Variants in ZNF251 observed in about 807,000 individuals in gnomAD.
The protein encoded by ZNF251 is zinc finger protein 251.
ZNF251 carries 14 observed loss-of-function variants against 13.5 expected under a neutral mutation model. That is an observed-to-expected ratio of 1.04 (90% confidence interval 0.69 to 1.63). The LOEUF (loss-of-function observed/expected upper bound fraction) is 1.63, where lower values mean the gene tolerates loss of function less well. Ranked by LOEUF, ZNF251 falls within the 40% of genes most tolerant of loss-of-function variation. ZNF251 has a pLI of 0.00. For missense variants in ZNF251, 764 were observed against 834.9 expected, an observed-to-expected ratio of 0.92 and a Z score of 1.05; for synonymous variants, 287 against 295.2, an observed-to-expected ratio of 0.97 and a Z score of 0.28.
chr8:144,722,825 G>A lies in ZNF251; in HGVS notation c.835C>T (p.His279Tyr), dbSNP rs1823410781. Residue 279 changes from histidine to tyrosine, a missense_variant, in exon 5 of 5, where the codon CAC (histidine) becomes TAC (tyrosine). Physicochemically the swap from His to Tyr is moderately conservative, Grantham distance 83. Transcript: ENST00000292562. This position sits in a 1 kb window ranked among gnomAD's most constrained non-coding sequence, Gnocchi z 4.8. Reference sequence around the variant, plus strand: ...TGAATTCTCCGATGAAGACGGAGGTGAGAATTGAGTCCAAAAGTTTTCCCA... The same window carrying A: ...TGAATTCTCCGATGAAGACGGAGGTAAGAATTGAGTCCAAAAGTTTTCCCA... ...ECGKTFGLNS[H>Y]LRLHRRIHTG... 6.2e-7 allele frequency: 1 copy of A among 1,614,038 alleles called. No homozygotes were observed. The highest frequency in any genetic ancestry group is 2.2e-5 in the East Asian group (1 of 44,890).
At position 144,748,353 on chromosome 8, in the gene ZNF251, T is replaced by C. The variant is rs190906323; in HGVS notation, c.277+5330A>G. On this transcript the variant is annotated intron_variant, in intron 4 of 4. Coordinates refer to ENST00000292562, the MANE Select transcript of ZNF251 (RefSeq NM_138367.2). ...CCTCCCAGTGCTGGGATTACAGGTG[T>C]TAGCCACTGTGCCTGGCCAACCTCA... Among the ~76,000 whole-genome samples, 450 of 152,186 alleles carry C rather than the reference T, an allele frequency of 3.0e-3. 3 individuals are homozygous for C. Among genetic ancestry groups the C allele is most frequent in the African/African-American group, 0.01 (417 of 41,504 alleles).
rs1227824696 is a variant in ZNF251 at position 144,720,981 on chromosome 8, C to A, written c.*663G>T. ...AACCTGCCTTTAAAAAATTTTTTAT[C>A]AGTAATTACAATTTTCAAAAGTGGA... is the stretch of plus-strand genomic sequence containing the variant. On this transcript the variant is annotated 3_prime_UTR_variant, in exon 5 of 5. Transcript: ENST00000292562. 1 of 152,266 alleles carries A rather than the reference C, an allele frequency of 6.6e-6. No individual in the cohort carries two copies. The highest frequency in any genetic ancestry group is 2.4e-5 in the African/African-American group (1 of 41,440). 9.4% of individuals were successfully genotyped at this position (152,266 alleles called of 1,614,324 possible).
chr8:144,721,492 C>G lies in ZNF251; in HGVS notation c.*152G>C, dbSNP rs1823371059. 6 of 787,646 alleles carry G rather than the reference C, an allele frequency of 7.6e-6. No homozygotes were observed. The South Asian group carries it at 1.9e-4, about 25-fold the overall frequency. The allele number at this position is 787,646 out of a possible 1,614,324, so 48.8% of individuals were successfully genotyped here. On this transcript the variant is annotated 3_prime_UTR_variant, in exon 5 of 5. Transcript: ENST00000292562. ...TTCCCAGAATGAATTCTCGTGTTTA[C>G]TTCCAGATTTAATGACTTTGACTTT...
At chr8:144,755,101 C>G in intron 1 of ZNF251, 1 of 1,249,960 alleles carries the variant, frequency 8.0e-7, no homozygotes, top group Non-Finnish European at 1.0e-6. Flanking sequence ...CCTGGCCAAC[C>G]TGGGGCAAAG....
chr8:144,722,655 C>T lies in ZNF251; in HGVS notation c.1005G>A (p.Gln335=). The T allele has an allele frequency of 6.2e-7, 1 of 1,613,898 alleles. No homozygotes were observed. Among genetic ancestry groups the T allele is most frequent in the South Asian group, 1.1e-5 (1 of 91,072 alleles). The part of the protein sequence containing the change: ...ECGRGFSQSP[Q]LTQHQRIHTG... ...TGTGAATTCTCTGATGCTGAGTTAA[C>T]TGGGGGCTCTGGCTAAAGCCTCTTC... The change falls in exon 5 of 5, where the codon CAG becomes CAA. Residue 335 remains glutamine, a synonymous_variant. Transcript: ENST00000292562. The surrounding 1 kb of genome is among the most constrained non-coding windows in gnomAD (Gnocchi z 4.8).
intron 4 of ZNF251, among the ~76,000 whole-genome samples, chr8:144,749,109 G>A (rs1824568503): frequency 6.6e-6 from 1 of 152,000 alleles, no homozygotes; most frequent in Non-Finnish European, 1.5e-5. Flanking sequence ...AGGCTGCCAT[G>A]AGTCATGATC....
At chr8:144,732,595 G>A (rs530511313) in intron 4 of ZNF251, among the ~76,000 whole-genome samples, 16 of 150,532 alleles carry the variant, frequency 1.1e-4, no homozygotes, top group East Asian at 2.2e-4. Flanking sequence ...GGGGAATCAC[G>A]AGGTCAGGAG....
intron 4 of ZNF251, among the ~76,000 whole-genome samples, chr8:144,751,668 A>G (rs113882375): frequency 0.036 from 5,549 of 152,328 alleles, 343 homozygotes; most frequent in African/African-American, 0.13. Context: ...GAAGAGGTAA[A>G]TGTAAGTAAA....
At chr8:144,726,653 A>G (rs894194863) in intron 4 of ZNF251, among the ~76,000 whole-genome samples, 2 of 152,094 alleles carry the variant, frequency 1.3e-5, no homozygotes, top group East Asian at 1.9e-4. Context: ...GGTGGATCAC[A>G]AGGTCAGGAG....
intron 4 of ZNF251, among the ~76,000 whole-genome samples, chr8:144,748,420 T>A (rs1232167696): frequency 6.6e-6 from 1 of 152,196 alleles, no homozygotes; most frequent in Non-Finnish European, 1.5e-5. Context: ...CCTCAAGATC[T>A]GTTATGTTTT....
At chr8:144,741,053 T>G (rs1436184952) in intron 4 of ZNF251, among the ~76,000 whole-genome samples, 1 of 152,236 alleles carries the variant, frequency 6.6e-6, no homozygotes, top group East Asian at 1.9e-4. Context: ...CTCGAAGTGC[T>G]GCCGAAGGCA....
chr8:144,743,087 G>A (rs1474077375), intron 4 of ZNF251, among the ~76,000 whole-genome samples: 2 of 152,024 alleles, frequency 1.3e-5, no homozygotes, highest in South Asian at 2.1e-4. Context: ...TTTTTGAGAC[G>A]CAGTTTCACT....
intron 4 of ZNF251, among the ~76,000 whole-genome samples, chr8:144,746,540 T>C (rs1442488279): frequency 1.3e-5 from 2 of 152,250 alleles, no homozygotes; most frequent in African/African-American, 2.4e-5. Flanking sequence ...TTTTATTTTC[T>C]GGAAGAGATT....
At chr8:144,731,488 C>T (rs537646291) in intron 4 of ZNF251, among the ~76,000 whole-genome samples, 1 of 152,282 alleles carries the variant, frequency 6.6e-6, no homozygotes, top group South Asian at 2.1e-4. Context: ...ATTTTCACCT[C>T]AAAAGAAAAA....
intron 4 of ZNF251, among the ~76,000 whole-genome samples, chr8:144,731,862 A>G (rs1326318968): frequency 6.6e-6 from 1 of 152,078 alleles, no homozygotes; most frequent in Admixed American, 6.6e-5. Context: ...TGCTGGGATT[A>G]CAGACATGAG....
At chr8:144,730,599 G>A (rs1184158900) in intron 4 of ZNF251, among the ~76,000 whole-genome samples, 14 of 152,036 alleles carry the variant, frequency 9.2e-5, no homozygotes, top group Non-Finnish European at 5.9e-5. Context: ...GCGACGGGGC[G>A]TCCCGGGGCA....
At chr8:144,728,773 TCGTC>T (rs889928451) in intron 4 of ZNF251, among the ~76,000 whole-genome samples, 1 of 150,358 alleles carries the variant, frequency 6.7e-6, no homozygotes, top group Non-Finnish European at 1.5e-5. Flanking sequence ...CAACACAAGG[TCGTC>T]ACAAACCTTC....
rs200397074 is a variant in ZNF251, at chr8:144,721,733, T to C, written c.1927A>G (p.Thr643Ala). The C allele has an allele frequency of 2.2e-4, 302 of 1,390,156 alleles. 1 individual carries two copies. The African/African-American group carries it at 3.8e-3, about 18-fold the overall frequency. The allele number at this position is 1,390,156 out of a possible 1,614,324, so 86.1% of individuals were successfully genotyped here. ...QSSQLTPPQQ[T>A]RVGEKPALND... ...AAAGCAGGTTTCTCTCCAACACGAG[T>C]CTGCTGAGGTGGTGTGAGCTGTGAA... The change falls in exon 5 of 5, where the codon ACT (threonine) becomes GCT (alanine). Residue 643 changes from threonine to alanine, a missense_variant. Thr to Ala is a moderately conservative substitution (Grantham distance 58). Transcript: ENST00000292562.
chr8:144,724,261 C>CAAAAAAAAA (rs1175216003), intron 4 of ZNF251, among the ~76,000 whole-genome samples: 1 of 35,838 alleles, frequency 2.8e-5, no homozygotes, highest in African/African-American at 7.1e-5. Context: ...GACTCCGTCT[C>CAAAAAAAAA]AAAAAAAAAA....
Sources: gnomAD v4.1 joint callset for allele counts (sites outside exome capture counted in the v4.1 genomes callset) on GRCh38, gnomAD v4.1.1 for gene constraint, Gnocchi (gnomAD v3.1) non-coding constraint, MANE v1.5 for transcripts, NCBI Gene and HGNC (gene_info 2026-07-23, HGNC 2026-07-21) for gene names.